The following ANKFN1 variants were observed in gnomAD, a reference collection of about 807,000 sequenced individuals.
The protein encoded by ANKFN1 is ankyrin repeat and fibronectin type III domain containing 1.
ANKFN1 carries 74 observed loss-of-function variants against 108.7 expected under a neutral mutation model. That is an observed-to-expected ratio of 0.68 (90% CI 0.56 to 0.83). The LOEUF is 0.83. Among genes scored for constraint, ANKFN1 ranks in the 40% least tolerant of loss-of-function variants. ANKFN1 has a pLI of 0.00. For missense variants in ANKFN1, 1,505 were observed against 1,382.3 expected (o/e 1.09, Z -1.41); for synonymous variants, 547 against 516.2 (o/e 1.06, Z -0.81).
chr17:56,188,959 A>G (rs1912574637), intron 1 of ANKFN1, among the ~76,000 whole-genome samples: 1 of 151,824 alleles, frequency 6.6e-6, no homozygotes, highest in Non-Finnish European at 1.5e-5. Flanking sequence ...AATCCTGCCT[A>G]TGTGGTGAAG....
At chr17:56,209,367 G>C (rs1914786853) in intron 1 of ANKFN1, among the ~76,000 whole-genome samples, 1 of 152,034 alleles carries the variant, frequency 6.6e-6, no homozygotes, top group Non-Finnish European at 1.5e-5. Flanking sequence ...AACAAAAAAA[G>C]AAAACTACAG....
chr17:56,343,005 ATAGT>A (rs1410351988), intron 4 of ANKFN1, among the ~76,000 whole-genome samples: 1 of 151,940 alleles, frequency 6.6e-6, no homozygotes, highest in Non-Finnish European at 1.5e-5. Context: ...GATATTTAAG[ATAGT>A]TAGACATTCT....
intron 4 of ANKFN1, among the ~76,000 whole-genome samples, chr17:56,100,404 G>A (rs1905621696): frequency 6.6e-6 from 1 of 152,130 alleles, no homozygotes; most frequent in Admixed American, 6.5e-5. Context: ...TGTTGTGTTT[G>A]GAGACAATAT....
chr17:56,396,588 A>T (rs1207227920), intron 8 of ANKFN1, among the ~76,000 whole-genome samples: 1 of 152,068 alleles, frequency 6.6e-6, no homozygotes, highest in Non-Finnish European at 1.5e-5. Context: ...ACATTTAATA[A>T]TTATTATAAT....
intron 3 of ANKFN1, among the ~76,000 whole-genome samples, chr17:56,258,767 C>T (rs570261221): frequency 1.2e-4 from 19 of 152,074 alleles, no homozygotes; most frequent in South Asian, 4.2e-4. Context: ...AAAAATTAGC[C>T]GGGCATGGTG....
intron 19 of ANKFN1, 96 bp downstream of exon 19, chr17:56,492,449 G>C: frequency 1.6e-6 from 1 of 628,174 alleles, no homozygotes; most frequent in Non-Finnish European, 2.9e-6. Context: ...AGTCCAGGCT[G>C]ATTCAAAGAA....
At chr17:56,337,286 G>C (rs918910132) in intron 4 of ANKFN1, among the ~76,000 whole-genome samples, 3 of 152,190 alleles carry the variant, frequency 2.0e-5, no homozygotes, top group Admixed American at 2.0e-4. Flanking sequence ...TTAACCTTCT[G>C]TCTCGTCGAT....
intron 19 of ANKFN1, among the ~76,000 whole-genome samples, chr17:56,497,307 C>G (rs2051230290): frequency 6.6e-6 from 1 of 152,126 alleles, no homozygotes. Flanking sequence ...ACTTCCTGCC[C>G]AACTGACCAA....
chr17:56,490,790 T>A (rs572422186), intron 18 of ANKFN1, among the ~76,000 whole-genome samples: 1 of 152,132 alleles, frequency 6.6e-6, no homozygotes, highest in Non-Finnish European at 1.5e-5. Context: ...AGAGGCCTCC[T>A]GAGTTGAGAA....
intron 4 of ANKFN1, among the ~76,000 whole-genome samples, chr17:56,059,630 C>T (rs965640123): frequency 6.6e-6 from 1 of 152,104 alleles, no homozygotes; most frequent in South Asian, 2.1e-4. Context: ...AGGAAGGGAT[C>T]CAGTTTCAGT....
chr17:56,062,977 G>A (rs751845246), intron 4 of ANKFN1, among the ~76,000 whole-genome samples: 5 of 152,076 alleles, frequency 3.3e-5, no homozygotes, highest in African/African-American at 7.2e-5. Context: ...TTTCTCCTTC[G>A]CTTATGAAGC....
intron 4 of ANKFN1, among the ~76,000 whole-genome samples, chr17:56,046,784 G>A (rs2143059266): frequency 6.6e-6 from 1 of 152,260 alleles, no homozygotes; most frequent in South Asian, 2.1e-4. Flanking sequence ...CTCAGCTGGA[G>A]TTGCCTGTAA....
intron 8 of ANKFN1, among the ~76,000 whole-genome samples, chr17:56,402,418 G>C (rs2047790818): frequency 6.6e-6 from 1 of 151,868 alleles, no homozygotes; most frequent in Non-Finnish European, 1.5e-5. Context: ...AAGCAAGGAG[G>C]GTTGTATTTT....
chr17:56,452,886 G>C (rs556197861), intron 11 of ANKFN1, among the ~76,000 whole-genome samples: 1 of 152,276 alleles, frequency 6.6e-6, no homozygotes, highest in South Asian at 2.1e-4. Flanking sequence ...TGCTGGCTGT[G>C]TGACCTTGAG....
chr17:56,080,651 A>G (rs9901832), intron 4 of ANKFN1, among the ~76,000 whole-genome samples: 4,070 of 152,256 alleles, frequency 0.027, 180 homozygotes, highest in African/African-American at 0.092. Flanking sequence ...ACCCACCGCC[A>G]TGTTAACCAT....
intron 4 of ANKFN1, among the ~76,000 whole-genome samples, chr17:56,148,460 CAT>C (rs1241493032): frequency 4.6e-5 from 7 of 152,194 alleles, no homozygotes; most frequent in Admixed American, 3.3e-4. Flanking sequence ...AGACAATTCA[CAT>C]GTTTCCGCTC....
chr17:56,259,636 G>A (rs767880269), intron 3 of ANKFN1, among the ~76,000 whole-genome samples: 3 of 152,180 alleles, frequency 2.0e-5, no homozygotes, highest in East Asian at 3.9e-4. Flanking sequence ...AGAGAGTGAA[G>A]TTCACTGGCA....
chr17:56,159,718 C>T (rs978673635), intron 1 of ANKFN1, among the ~76,000 whole-genome samples: 11 of 152,268 alleles, frequency 7.2e-5, no homozygotes, highest in African/African-American at 2.4e-4. Flanking sequence ...TCTTGAACAT[C>T]GTCAGTCTTG....
intron 3 of ANKFN1, among the ~76,000 whole-genome samples, chr17:56,307,402 C>A (rs2044862912): frequency 1.3e-5 from 2 of 152,170 alleles, no homozygotes; most frequent in Admixed American, 6.5e-5. Flanking sequence ...ACAACCCCAT[C>A]AAAAAGTGGG....
Sources: gnomAD v4.1 joint callset for allele counts (sites outside exome capture counted in the v4.1 genomes callset) on GRCh38, gnomAD v4.1.1 for gene constraint, MANE v1.5 for transcripts, NCBI Gene and HGNC (gene_info 2026-07-23, HGNC 2026-07-21) for gene names.